Variants in TAX1BP1 observed in about 807,000 individuals in gnomAD.
TAX1BP1 encodes Tax1 binding protein 1, also known as tax1-binding protein 1.
TAX1BP1 carries 62 observed loss-of-function variants against 97.7 expected under a neutral mutation model. That is an observed-to-expected ratio of 0.63 (90% CI 0.52 to 0.78). The LOEUF (loss-of-function observed/expected upper bound fraction) is 0.78, where lower values mean the gene tolerates loss of function less well. Among genes scored for constraint, TAX1BP1 ranks in the 30% least tolerant of loss-of-function variants. TAX1BP1 has a pLI of 0.00. For missense variants in TAX1BP1, 867 were observed against 916.1 expected (o/e 0.95, Z 0.69); for synonymous variants, 340 against 304.2 (o/e 1.12, Z -1.23).
rs747410556 is a variant in TAX1BP1, at chr7:27,792,151, G to A, written c.1184G>A (p.Arg395His). 38 of 1,613,810 alleles carry A rather than the reference G, an allele frequency of 2.4e-5. No individual in the cohort carries two copies. The highest frequency in any genetic ancestry group is 5.3e-5 in the African/African-American group (4 of 74,926). ...DRTMADLHTARLENEKVKKQL... is the reference protein window; with the variant it reads ...DRTMADLHTAHLENEKVKKQL... ...ACGATGGCAGACCTGCATACTGCAC[G>A]CTTGGAAAACGAGAAAGTGAAAAAG... Residue 395 changes from arginine to histidine, a missense_variant, in exon 9 of 17, where the codon CGC (arginine) becomes CAC (histidine). Physicochemically the swap from Arg to His is conservative, Grantham distance 29 (BLOSUM62 0). This residue lies in a region of TAX1BP1 where 822 missense variants were observed against 851.4 expected (regional missense o/e 0.97). Coordinates refer to ENST00000396319, the MANE Select transcript of TAX1BP1 (RefSeq NM_006024.7).
chr7:27,773,444 C>T (rs73295567), intron 5 of TAX1BP1, among the ~76,000 whole-genome samples: 6,281 of 152,024 alleles, frequency 0.041, 407 homozygotes, highest in African/African-American at 0.14. Context: ...GTTACTCTAC[C>T]GTTTACCTTC....
At chr7:27,814,095 C>CT (rs71555715) in intron 13 of TAX1BP1, among the ~76,000 whole-genome samples, 2,743 of 140,516 alleles carry the variant, frequency 0.02, 45 homozygotes, top group African/African-American at 0.046. Flanking sequence ...CGCACTTGGC[C>CT]TTTTTTTTTT....
chr7:27,767,527 A>G (rs975005018), intron 4 of TAX1BP1, among the ~76,000 whole-genome samples: 2 of 152,124 alleles, frequency 1.3e-5, no homozygotes, highest in African/African-American at 2.4e-5. Flanking sequence ...TGTAACTTTT[A>G]TAGGGTGACT....
intron 13 of TAX1BP1, among the ~76,000 whole-genome samples, chr7:27,802,299 G>A (rs1201203077): frequency 6.6e-6 from 1 of 152,154 alleles, no homozygotes; most frequent in African/African-American, 2.4e-5. Flanking sequence ...AGGGTTTGAA[G>A]GTGAGGAAAT....
chr7:27,759,567 AT>A (rs1300103080), intron 3 of TAX1BP1, among the ~76,000 whole-genome samples: 2 of 152,052 alleles, frequency 1.3e-5, no homozygotes, highest in African/African-American at 4.8e-5. Context: ...CCTCTTTGCT[AT>A]TGAGAACTTT....
At chr7:27,803,099 C>T (rs1219040093) in intron 13 of TAX1BP1, 5 of 1,540,436 alleles carry the variant, frequency 3.2e-6, no homozygotes, top group Non-Finnish European at 4.4e-6. Context: ...AAATTTCTTT[C>T]TTTATTCAGC....
intron 2 of TAX1BP1, among the ~76,000 whole-genome samples, chr7:27,755,254 G>T (rs1267444254): frequency 6.6e-6 from 1 of 151,962 alleles, no homozygotes; most frequent in Non-Finnish European, 1.5e-5. Context: ...CTTTTTTGTG[G>T]GCGTTTTTCC....
At chr7:27,752,751 A>T in intron 2 of TAX1BP1, among the ~76,000 whole-genome samples, 1 of 152,214 alleles carries the variant, frequency 6.6e-6, no homozygotes. Flanking sequence ...CTCTCATCTG[A>T]GCATTATACT....
At chr7:27,779,676 A>G (rs1056146751) in intron 5 of TAX1BP1, among the ~76,000 whole-genome samples, 1 of 152,224 alleles carries the variant, frequency 6.6e-6, no homozygotes, top group Non-Finnish European at 1.5e-5. Context: ...AGACAAAGAA[A>G]CCCAACAGTG....
intron 13 of TAX1BP1, among the ~76,000 whole-genome samples, chr7:27,814,095 CT>C (rs71555715): frequency 0.17 from 24,028 of 140,414 alleles, 1,953 homozygotes; most frequent in Middle Eastern, 0.19. Flanking sequence ...CGCACTTGGC[CT>C]TTTTTTTTTT....
At chr7:27,820,607 G>A (rs1319912622) in intron 15 of TAX1BP1, among the ~76,000 whole-genome samples, 2 of 152,080 alleles carry the variant, frequency 1.3e-5, no homozygotes, top group Non-Finnish European at 2.9e-5. Context: ...CAATTCAAGA[G>A]GAAAAGAATA....
chr7:27,759,363 T>C (rs1476329672), intron 3 of TAX1BP1, among the ~76,000 whole-genome samples: 1 of 152,198 alleles, frequency 6.6e-6, no homozygotes, highest in East Asian at 1.9e-4. Context: ...GTAACAATTG[T>C]AATGTGGTAT....
intron 15 of TAX1BP1, among the ~76,000 whole-genome samples, chr7:27,824,083 G>A (rs953799744): frequency 2.6e-5 from 4 of 152,086 alleles, no homozygotes; most frequent in East Asian, 1.9e-4. Context: ...ACATGGGTTC[G>A]TGATTGAACA....
intron 5 of TAX1BP1, among the ~76,000 whole-genome samples, chr7:27,784,173 G>A (rs1789376742): frequency 6.6e-6 from 1 of 152,110 alleles, no homozygotes; most frequent in African/African-American, 2.4e-5. Flanking sequence ...TGGCAGAACG[G>A]TGATTTTTTT....
chr7:27,778,930 A>T (rs1187801683), intron 5 of TAX1BP1, among the ~76,000 whole-genome samples: 1 of 151,952 alleles, frequency 6.6e-6, no homozygotes, highest in Non-Finnish European at 1.5e-5. Context: ...CCATCACCAA[A>T]ATTTAATTTT....
At chr7:27,751,342 C>G (rs1788013339) in intron 2 of TAX1BP1, among the ~76,000 whole-genome samples, 1 of 152,138 alleles carries the variant, frequency 6.6e-6, no homozygotes, top group Non-Finnish European at 1.5e-5. Context: ...CTTTTACCTA[C>G]TGTTAACTAT....
At chr7:27,753,045 A>T (rs903219106) in intron 2 of TAX1BP1, among the ~76,000 whole-genome samples, 2 of 152,008 alleles carry the variant, frequency 1.3e-5, no homozygotes, top group African/African-American at 4.8e-5. Flanking sequence ...CACGCCTGTA[A>T]TCCCAGCACT....
chr7:27,762,608 G>C (rs561994042), intron 3 of TAX1BP1, among the ~76,000 whole-genome samples: 1 of 152,194 alleles, frequency 6.6e-6, no homozygotes, highest in South Asian at 2.1e-4. Flanking sequence ...TTTAAAAGTG[G>C]TTAAAAAGTA....
chr7:27,814,004 T>TAAAG (rs1330743935), intron 13 of TAX1BP1, among the ~76,000 whole-genome samples: 1 of 151,882 alleles, frequency 6.6e-6, no homozygotes, highest in Non-Finnish European at 1.5e-5. Flanking sequence ...CGAAAGGACT[T>TAAAG]ACAGCAGGTT....
Sources: allele counts gnomAD v4.1 joint callset (sites outside exome capture counted in the v4.1 genomes callset), GRCh38; gene constraint gnomAD v4.1.1; regional missense constraint gnomAD v4.1.1; transcripts MANE v1.5; gene names NCBI Gene and HGNC (gene_info 2026-07-23, HGNC 2026-07-21).